PHF20L1: variants seen among roughly 807,000 people sequenced by gnomAD.
PHF20L1 encodes the protein PHD finger protein 20 like 1.
In PHF20L1, 44 loss-of-function variants were observed where a neutral mutation model predicts 125.5. The ratio of observed to expected loss-of-function variants is 0.35; its 90% CI spans 0.28 to 0.45. The LOEUF (loss-of-function observed/expected upper bound fraction) is 0.45, where lower values mean the gene tolerates loss of function less well. Ranked by LOEUF, PHF20L1 falls within the 20% of genes least tolerant of loss-of-function variation. The pLI, the probability that PHF20L1 is intolerant of heterozygous loss-of-function variation, is 1.00. For missense variants in PHF20L1, 1,012 were observed against 1,217.2 expected (o/e 0.83, Z 2.51); for synonymous variants, 380 against 403.1 (o/e 0.94, Z 0.69).
At chr8:132,804,149 C>A in intron 7 of PHF20L1, 117 bp downstream of exon 7, 1 of 700,512 alleles carries the variant, frequency 1.4e-6, no homozygotes. Flanking sequence ...GGCTTTTGAC[C>A]CTAGCATAAT....
intron 5 of PHF20L1, 32 bp downstream of exon 5, chr8:132,798,892 A>T (rs1338408733): frequency 7.1e-7 from 1 of 1,414,328 alleles, no homozygotes; most frequent in Non-Finnish European, 9.9e-7. Flanking sequence ...AGCTACCCAA[A>T]GGGTTATCTT....
chr8:132,835,977 C>G (rs1020146085), intron 15 of PHF20L1, among the ~76,000 whole-genome samples: 1 of 151,812 alleles, frequency 6.6e-6, no homozygotes, highest in Non-Finnish European at 1.5e-5. Flanking sequence ...TAATAAAACC[C>G]GTCCTCTTTA....
chr8:132,808,430 A>G (rs553837037), intron 8 of PHF20L1: 32 of 151,964 alleles, frequency 2.1e-4, no homozygotes, highest in Admixed American at 8.5e-4. Context: ...GATCTATTTC[A>G]TCTATTGAGT....
In PHF20L1 at chr8:132,817,387, C is replaced by G; in HGVS notation, c.1421C>G (p.Pro474Arg). The change falls in exon 12 of 21, where the codon CCT becomes CGT. Residue 474 changes from proline to arginine, a missense_variant. This residue lies in a region of PHF20L1 where 320 missense variants were observed against 293.8 expected (regional missense o/e 1.09). Transcript: ENST00000395386. ...LPLEKLGPCL[P>R]LDLSRGSEVT... ...CTTGAGAAGCTGGGACCCTGTCTCC[C>G]TCTTGACTTAAGTCGTGGTTCAGAA... The G allele has an allele frequency of 6.2e-7, 1 of 1,612,744 alleles. No individual in the cohort carries two copies. The highest frequency in any genetic ancestry group is 8.5e-7 in the Non-Finnish European group (1 of 1,179,172).
At chr8:132,795,439 A>G (rs890346525) in intron 4 of PHF20L1, among the ~76,000 whole-genome samples, 2 of 152,122 alleles carry the variant, frequency 1.3e-5, no homozygotes, top group African/African-American at 4.8e-5. Context: ...GTTGCATAAG[A>G]CTGGGAAATC....
intron 15 of PHF20L1, 59 bp downstream of exon 15, chr8:132,832,458 G>A: frequency 8.2e-7 from 1 of 1,222,280 alleles, no homozygotes; most frequent in Non-Finnish European, 1.2e-6. Flanking sequence ...GTGTAACTGA[G>A]AATAAAACGT....
At chr8:132,837,174 C>T (rs1837452892) in intron 16 of PHF20L1, among the ~76,000 whole-genome samples, 1 of 151,864 alleles carries the variant, frequency 6.6e-6, no homozygotes, top group Non-Finnish European at 1.5e-5. Context: ...GGAAAGATAT[C>T]TTTAAGATAA....
intron 2 of PHF20L1, among the ~76,000 whole-genome samples, chr8:132,779,877 A>C (rs891989558): frequency 1.3e-5 from 2 of 152,180 alleles, no homozygotes; most frequent in African/African-American, 4.8e-5. Flanking sequence ...CAAAATTCAT[A>C]TGTGCTTATT....
chr8:132,815,778 G>A (rs1174345272), intron 10 of PHF20L1: 2 of 151,612 alleles, frequency 1.3e-5, no homozygotes, highest in African/African-American at 4.8e-5. Context: ...ATTTTGATCA[G>A]GTTTTGCTTT....
chr8:132,812,604 T>C (rs1834522980), intron 9 of PHF20L1: 1 of 983,320 alleles, frequency 1.0e-6, no homozygotes, highest in Non-Finnish European at 1.2e-6. Flanking sequence ...AGGAACACCA[T>C]GCCATTCCCT....
chr8:132,839,548 C>G lies in PHF20L1; in HGVS notation c.2353C>G (p.Leu785Val), dbSNP rs758834413. The G allele has an allele frequency of 7.9e-5, 128 of 1,613,078 alleles. No homozygotes were observed. The South Asian group carries it at 1.3e-3, about 17-fold the overall frequency. Residue 785 changes from leucine (L) to valine (V), a missense_variant, in exon 18 of 21, where the codon CTA becomes GTA. Leu to Val is a conservative substitution (Grantham distance 32). This residue lies in a region of PHF20L1 where 277 missense variants were observed against 283.6 expected (regional missense o/e 0.98). Transcript: ENST00000395386. ...TGATGTCTATGGTGTTACAGAAGTG[C>G]TACACGGGCTACAGCTGAAGATTGG... ...LADVYGVTEV[L>V]HGLQLKIGIL...
intron 2 of PHF20L1, among the ~76,000 whole-genome samples, chr8:132,786,433 C>G (rs1563782466): frequency 6.6e-6 from 1 of 151,964 alleles, no homozygotes; most frequent in Non-Finnish European, 1.5e-5. Context: ...CAACTTTAGG[C>G]ATGCTTCTTG....
intron 10 of PHF20L1, chr8:132,815,113 A>G: frequency 2.6e-6 from 1 of 377,976 alleles, no homozygotes; most frequent in Non-Finnish European, 4.7e-6. Flanking sequence ...TTAATAACAC[A>G]GATTCCACTG....
At chr8:132,837,999 C>A in intron 17 of PHF20L1, 188 bp downstream of exon 17, 1 of 535,262 alleles carries the variant, frequency 1.9e-6, no homozygotes, top group Non-Finnish European at 3.4e-6. Flanking sequence ...TTGTATGTAT[C>A]AATTAGCTTA....
chr8:132,807,665 G>T, intron 8 of PHF20L1: 1 of 447,334 alleles, frequency 2.2e-6, no homozygotes, highest in Non-Finnish European at 4.5e-6. Context: ...CTCTTTCTTT[G>T]TTCCCCTTTC....
chr8:132,791,986 C>T (rs904576137), intron 2 of PHF20L1, among the ~76,000 whole-genome samples: 3 of 152,164 alleles, frequency 2.0e-5, no homozygotes, highest in African/African-American at 4.8e-5. Context: ...GATACTGATT[C>T]TTTACTGAAT....
At chr8:132,782,869 C>T (rs929635718) in intron 2 of PHF20L1, among the ~76,000 whole-genome samples, 2 of 151,232 alleles carry the variant, frequency 1.3e-5, no homozygotes, top group African/African-American at 4.9e-5. Flanking sequence ...TCTTGTTCTT[C>T]CAAAGTTGTA....
chr8:132,827,287 T>C (rs1393837817), intron 14 of PHF20L1, among the ~76,000 whole-genome samples: 1 of 152,032 alleles, frequency 6.6e-6, no homozygotes, highest in Non-Finnish European at 1.5e-5. Flanking sequence ...AATACCCTTC[T>C]GTGAGTGGTA....
chr8:132,809,589 G>C (rs944019361), intron 8 of PHF20L1: 1 of 152,136 alleles, frequency 6.6e-6, no homozygotes, highest in Non-Finnish European at 1.5e-5. Flanking sequence ...CTTTGAGGGG[G>C]CACCATTTTT....
Sources: gnomAD v4.1 joint callset for allele counts (sites outside exome capture counted in the v4.1 genomes callset) on GRCh38, gnomAD v4.1.1 for gene constraint, gnomAD v4.1.1 regional missense constraint, MANE v1.5 for transcripts, NCBI Gene and HGNC (gene_info 2026-07-23, HGNC 2026-07-21) for gene names.